The following EPB41L2 variants were observed in gnomAD, a reference collection of about 807,000 sequenced individuals.
EPB41L2 encodes the protein erythrocyte membrane protein band 4.1 like 2, also known as band 4.1-like protein 2.
A neutral mutation model predicts 113.0 loss-of-function variants in EPB41L2; 43 were observed. That is an observed-to-expected ratio of 0.38 (90% confidence interval 0.30 to 0.49). The LOEUF (loss-of-function observed/expected upper bound fraction) is 0.49. EPB41L2 is among the 20% of genes least tolerant of loss of function. The pLI, the probability that EPB41L2 is intolerant of heterozygous loss-of-function variation, is 0.95. For synonymous variants in EPB41L2, 442 were observed against 436.7 expected (o/e 1.01, Z -0.15); for missense variants, 1,147 against 1,223.4 (o/e 0.94, Z 0.93).
intron 10 of EPB41L2, among the ~76,000 whole-genome samples, chr6:130,891,727 C>A (rs1245804436): frequency 6.6e-6 from 1 of 152,184 alleles, no homozygotes; most frequent in African/African-American, 2.4e-5. Context: ...GGATTACAGG[C>A]ATGAGCCACT....
At chr6:130,908,742 C>G in intron 5 of EPB41L2, 79 bp downstream of exon 5, 1 of 1,078,558 alleles carries the variant, frequency 9.3e-7, no homozygotes. Flanking sequence ...TAGAACTGAC[C>G]ATTCTATTAC....
chr6:130,939,130 A>C (rs1809886173), intron 3 of EPB41L2, among the ~76,000 whole-genome samples: 1 of 152,216 alleles, frequency 6.6e-6, no homozygotes. Flanking sequence ...AAAATCCCTC[A>C]TGATATCACC....
chr6:130,995,856 C>A (rs1040130946), intron 1 of EPB41L2, among the ~76,000 whole-genome samples: 1 of 152,196 alleles, frequency 6.6e-6, no homozygotes, highest in Non-Finnish European at 1.5e-5. Flanking sequence ...GGAACGCTGT[C>A]ATATCCTCCT....
intron 1 of EPB41L2, among the ~76,000 whole-genome samples, chr6:130,998,548 T>A (rs1783661308): frequency 6.6e-6 from 1 of 152,174 alleles, no homozygotes; most frequent in African/African-American, 2.4e-5. Flanking sequence ...TGGGGAAAGA[T>A]GATAATCAGG....
At position 130,878,237 on chromosome 6, in the gene EPB41L2, G is replaced by A. The variant is rs1788168190; in HGVS notation, c.1910C>T (p.Ala637Val). Residue 637 changes from alanine to valine, a missense_variant, in exon 14 of 20, where the codon GCC becomes GTC. By Grantham distance (64) the Ala-to-Val change is moderately conservative. Coordinates refer to ENST00000337057, the MANE Select transcript of EPB41L2 (RefSeq NM_001431.4). ...CTGATGTTTCAGTATGTCCTCCTGG[G>A]CCTTATCCAGTTCCTAGCAATATGT... ...SNLMLEELDK[A>V]QEDILKHQAS... 1 of 1,610,832 alleles carries A rather than the reference G, an allele frequency of 6.2e-7. No homozygotes were observed. The highest frequency in any genetic ancestry group is 2.2e-5 in the East Asian group (1 of 44,698).
At chr6:130,897,100 A>G (rs1794897003) in intron 8 of EPB41L2, among the ~76,000 whole-genome samples, 1 of 152,036 alleles carries the variant, frequency 6.6e-6, no homozygotes. Context: ...TGCAGATACT[A>G]TCCTGGGGCT....
At chr6:130,905,989 T>A (rs1462937838) in intron 5 of EPB41L2, among the ~76,000 whole-genome samples, 1 of 152,230 alleles carries the variant, frequency 6.6e-6, no homozygotes, top group Non-Finnish European at 1.5e-5. Context: ...ATTTCAGTTC[T>A]GCTTTACACA....
chr6:130,888,883 A>T (rs1045574113), intron 11 of EPB41L2, among the ~76,000 whole-genome samples: 4 of 152,208 alleles, frequency 2.6e-5, no homozygotes, highest in Non-Finnish European at 5.9e-5. Context: ...GGATTTAATA[A>T]CTATATACCA....
chr6:130,847,735 C>T (rs1022603039), intron 19 of EPB41L2, among the ~76,000 whole-genome samples: 5 of 152,104 alleles, frequency 3.3e-5, no homozygotes, highest in Admixed American at 6.5e-5. Context: ...TCACTGAAGC[C>T]GTAACACAAG....
chr6:130,910,512 C>T (rs890710517), intron 4 of EPB41L2, among the ~76,000 whole-genome samples: 37 of 152,048 alleles, frequency 2.4e-4, no homozygotes, highest in African/African-American at 8.7e-4. Flanking sequence ...GCAACAAAAG[C>T]CAAAATTGAC....
At chr6:130,855,586 C>G (rs1779977108) in intron 19 of EPB41L2, among the ~76,000 whole-genome samples, 1 of 152,092 alleles carries the variant, frequency 6.6e-6, no homozygotes, top group Non-Finnish European at 1.5e-5. Context: ...AACTGTATCT[C>G]TCTATGCTAG....
intron 1 of EPB41L2, among the ~76,000 whole-genome samples, chr6:130,956,839 A>C (rs1268544363): frequency 6.6e-6 from 1 of 152,212 alleles, no homozygotes; most frequent in African/African-American, 2.4e-5. Context: ...GATATCTAAA[A>C]TCCAAGTTTT....
At chr6:131,022,525 T>G (rs1789744263) in intron 1 of EPB41L2, among the ~76,000 whole-genome samples, 1 of 152,180 alleles carries the variant, frequency 6.6e-6, no homozygotes, top group Admixed American at 6.5e-5. Flanking sequence ...CAGGCTTGAG[T>G]TCAAATCCTG....
intron 5 of EPB41L2, among the ~76,000 whole-genome samples, chr6:130,904,812 ATGG>A (rs1797252907): frequency 6.6e-6 from 1 of 152,094 alleles, no homozygotes; most frequent in Non-Finnish European, 1.5e-5. Flanking sequence ...TGTGTTTTAT[ATGG>A]TGATCTATTA....
At chr6:130,973,602 C>A (rs1319373988) in intron 1 of EPB41L2, among the ~76,000 whole-genome samples, 1 of 152,100 alleles carries the variant, frequency 6.6e-6, no homozygotes, top group South Asian at 2.1e-4. Flanking sequence ...TTAGGGCAAA[C>A]CTGCCTCCTT....
At chr6:130,899,131 A>G (rs977397801) in intron 8 of EPB41L2, among the ~76,000 whole-genome samples, 7 of 152,010 alleles carry the variant, frequency 4.6e-5, no homozygotes, top group Admixed American at 2.0e-4. Context: ...TCCTCTCCCA[A>G]GACAGAGGTG....
At chr6:130,991,626 T>G (rs1422100142) in intron 1 of EPB41L2, among the ~76,000 whole-genome samples, 1 of 152,202 alleles carries the variant, frequency 6.6e-6, no homozygotes. Flanking sequence ...TTTTTTATTT[T>G]TTTACCGTTC....
intron 1 of EPB41L2, among the ~76,000 whole-genome samples, chr6:131,056,139 G>A (rs1797535313): frequency 6.6e-6 from 1 of 152,190 alleles, no homozygotes; most frequent in African/African-American, 2.4e-5. Flanking sequence ...ACACGATGTT[G>A]CTGGAAAATA....
At chr6:130,938,736 G>A (rs372337851) in intron 3 of EPB41L2, among the ~76,000 whole-genome samples, 2 of 151,742 alleles carry the variant, frequency 1.3e-5, no homozygotes, top group African/African-American at 4.8e-5. Context: ...ACTAGAATTC[G>A]ACCACTAGAT....
Sources: gnomAD v4.1 joint callset for allele counts (sites outside exome capture counted in the v4.1 genomes callset) on GRCh38, gnomAD v4.1.1 for gene constraint, MANE v1.5 for transcripts, NCBI Gene and HGNC (gene_info 2026-07-23, HGNC 2026-07-21) for gene names.